MIA2: variants seen among roughly 807,000 people sequenced by gnomAD.
MIA2 encodes melanoma inhibitory activity protein 2.
Under a neutral mutation model 167.8 loss-of-function variants are expected in MIA2, and 127 were observed. The ratio of observed to expected loss-of-function variants is 0.76; its 90% confidence interval spans 0.66 to 0.88. MIA2 has a LOEUF of 0.88. MIA2 is among the 40% of genes least tolerant of loss of function. The pLI, the probability that MIA2 is intolerant of heterozygous loss-of-function variation, is 0.00. For synonymous variants in MIA2, 552 were observed against 541.9 expected (o/e 1.02, Z -0.26); for missense variants, 1,690 against 1,624.7 (o/e 1.04, Z -0.69).
intron 23 of MIA2, 90 bp downstream of exon 23, chr14:39,319,381 C>A: frequency 1.8e-6 from 1 of 562,322 alleles, no homozygotes; most frequent in Non-Finnish European, 2.7e-6. Context: ...TGTAAGTTAA[C>A]ACTGTTATTT....
chr14:39,307,125 A>C (rs567850731), intron 17 of MIA2, among the ~76,000 whole-genome samples: 23 of 152,212 alleles, frequency 1.5e-4, no homozygotes, highest in African/African-American at 4.6e-4. Flanking sequence ...TTATATGTCA[A>C]AATTTTAGCT....
At chr14:39,254,743 C>T (rs767469344) in intron 6 of MIA2, among the ~76,000 whole-genome samples, 4 of 152,086 alleles carry the variant, frequency 2.6e-5, no homozygotes, top group Admixed American at 6.6e-5. Context: ...GGCAAATATT[C>T]AGAGTAAAAT....
chr14:39,347,690 CA>C, intron 26 of MIA2, 22 bp from the exon 27 acceptor site: 1 of 1,609,116 alleles, frequency 6.2e-7, no homozygotes, highest in East Asian at 2.2e-5. Flanking sequence ...ATGTACTTTT[CA>C]TGGTTTAACT....
intron 25 of MIA2, among the ~76,000 whole-genome samples, chr14:39,331,655 G>T (rs573350010): frequency 6.6e-6 from 1 of 152,152 alleles, no homozygotes; most frequent in Non-Finnish European, 1.5e-5. Flanking sequence ...AGGCCTGGTG[G>T]AGCCAAAATC....
intron 23 of MIA2, among the ~76,000 whole-genome samples, chr14:39,364,821 T>C (rs550391903): frequency 6.6e-6 from 1 of 151,448 alleles, no homozygotes; most frequent in East Asian, 1.9e-4. Flanking sequence ...AATCTGTGGT[T>C]ATTTTGATGG....
intron 11 of MIA2, 138 bp downstream of exon 11, chr14:39,293,519 C>T (rs1266778849): frequency 1.7e-6 from 1 of 576,086 alleles, no homozygotes; most frequent in Non-Finnish European, 3.0e-6. Flanking sequence ...GCAAAATTTT[C>T]TAGATCCATT....
intron 3 of MIA2, among the ~76,000 whole-genome samples, chr14:39,240,874 T>C (rs191844593): frequency 6.6e-6 from 1 of 152,296 alleles, no homozygotes; most frequent in African/African-American, 2.4e-5. Context: ...AGACAGGCAG[T>C]AGAGTGTAAT....
At chr14:39,373,453 TAA>T (rs1318079837) in intron 23 of MIA2, among the ~76,000 whole-genome samples, 2 of 151,992 alleles carry the variant, frequency 1.3e-5, no homozygotes, top group African/African-American at 2.4e-5. Flanking sequence ...GATAAAAGAA[TAA>T]AAGCCACAAA....
At chr14:39,299,068 T>TTAA (rs2061958508) in intron 13 of MIA2, among the ~76,000 whole-genome samples, 1 of 44,002 alleles carries the variant, frequency 2.3e-5, no homozygotes, top group African/African-American at 8.3e-5. Context: ...TCCCTGCCTC[T>TTAA]AAAAAAAAAA....
chr14:39,298,542 T>TTTTTGTTTTG (rs1555375951), intron 13 of MIA2, among the ~76,000 whole-genome samples: 2 of 97,026 alleles, frequency 2.1e-5, no homozygotes, highest in Admixed American at 1.4e-4. Flanking sequence ...TTTTTTTTTT[T>TTTTTGTTTTG]TTTTTTTTTT....
intron 23 of MIA2, among the ~76,000 whole-genome samples, chr14:39,377,949 A>G (rs149823466): frequency 2.8e-3 from 433 of 152,322 alleles, no homozygotes; most frequent in African/African-American, 1.0e-2. Context: ...TCACCAAGTG[A>G]CATTCTTTAC....
intron 23 of MIA2, among the ~76,000 whole-genome samples, chr14:39,372,487 GA>G (rs1432450441): frequency 6.6e-6 from 1 of 152,152 alleles, no homozygotes; most frequent in East Asian, 1.9e-4. Context: ...TTCCAAATCG[GA>G]CCAGGCAGCA....
At chr14:39,299,712 ATG>A (rs752458311) in intron 13 of MIA2, 150 bp from the exon 14 acceptor site, 7 of 601,644 alleles carry the variant, frequency 1.2e-5, no homozygotes, top group African/African-American at 1.9e-5. Flanking sequence ...TAGTTGAAGA[ATG>A]TGTGTGTTAT....
intron 13 of MIA2, 148 bp from the exon 14 acceptor site, chr14:39,299,716 G>T: frequency 1.6e-6 from 1 of 619,580 alleles, no homozygotes. Context: ...TGAAGAATGT[G>T]TGTGTTATTT....
At chr14:39,328,632 T>G (rs1180848655) in intron 25 of MIA2, among the ~76,000 whole-genome samples, 10 of 152,216 alleles carry the variant, frequency 6.6e-5, no homozygotes. Context: ...CATCTTGAGT[T>G]GATTTTTGTA....
At chr14:39,270,417 T>C (rs368351534) in intron 6 of MIA2, among the ~76,000 whole-genome samples, 4 of 152,040 alleles carry the variant, frequency 2.6e-5, no homozygotes, top group South Asian at 2.1e-4. Context: ...GCCAGGATGA[T>C]CTCGATCTCC....
At chr14:39,329,614 T>C (rs11848868) in intron 25 of MIA2, among the ~76,000 whole-genome samples, 51,428 of 151,364 alleles carry the variant, frequency 0.34, 9,652 homozygotes, top group East Asian at 0.5. Context: ...ATAGCTCTTA[T>C]TATTTTGAGA....
At position 39,320,935 on chromosome 14, in the gene MIA2, C is replaced by G. The variant is rs772890477; in HGVS notation, c.3375C>G (p.Ser1125=). The change falls in exon 24 of 29, where the codon TCC becomes TCG. Residue 1125 remains serine, a synonymous_variant. Transcript: ENST00000640607. ...CTGTTTTAATTATTCCAGAGCATTC[C>G]CCATATGGTCCCTCACCATTGGGTT... ...VPNTAFGREH[S]PYGPSPLGWP... 1 of 1,612,536 alleles carries G rather than the reference C, an allele frequency of 6.2e-7. No homozygotes were observed. Among genetic ancestry groups the G allele is most frequent in the Non-Finnish European group, 8.5e-7 (1 of 1,179,486 alleles).
chr14:39,326,209 A>G (rs2067520027), intron 24 of MIA2, among the ~76,000 whole-genome samples: 1 of 152,214 alleles, frequency 6.6e-6, no homozygotes, highest in Non-Finnish European at 1.5e-5. Context: ...GAACTTATGA[A>G]TTCTTCTTTT....
Sources: allele counts gnomAD v4.1 joint callset (sites outside exome capture counted in the v4.1 genomes callset), GRCh38; gene constraint gnomAD v4.1.1; transcripts MANE v1.5; gene names NCBI Gene and HGNC (gene_info 2026-07-23, HGNC 2026-07-21).